NRXN3: variants seen among roughly 807,000 people sequenced by gnomAD.
NRXN3 encodes neurexin 3, also known as neurexin III.
Under a neutral mutation model 137.6 loss-of-function variants are expected in NRXN3, and 32 were observed. The observed-to-expected ratio is 0.23, with a 90% CI of 0.18 to 0.31. NRXN3 has a LOEUF of 0.31. NRXN3 is among the 10% of genes least tolerant of loss of function. The pLI, the probability that NRXN3 is intolerant of heterozygous loss-of-function variation, is 1.00. For missense variants in NRXN3, 1,574 were observed against 2,062.5 expected (o/e 0.76, Z 4.59); for synonymous variants, 798 against 784.5 (o/e 1.02, Z -0.29).
chr14:78,322,837 C>T (rs551180261), intron 4 of NRXN3, among the ~76,000 whole-genome samples: 5 of 152,116 alleles, frequency 3.3e-5, no homozygotes, highest in East Asian at 1.9e-4. Flanking sequence ...GAGCCTCACA[C>T]ACTCTGTGAC....
At chr14:78,410,918 C>T (rs747561079) in intron 4 of NRXN3, among the ~76,000 whole-genome samples, 11 of 152,190 alleles carry the variant, frequency 7.2e-5, no homozygotes, top group Non-Finnish European at 2.9e-5. Context: ...GATTTCTTCC[C>T]TTGGCCCTGA....
intron 8 of NRXN3, among the ~76,000 whole-genome samples, chr14:78,798,882 G>A (rs115542845): frequency 0.013 from 1,947 of 152,318 alleles, 44 homozygotes; most frequent in African/African-American, 0.045. Flanking sequence ...TAGCCATAGC[G>A]TGAGTGGTTG....
At chr14:78,807,745 A>G (rs2098884108) in intron 9 of NRXN3, among the ~76,000 whole-genome samples, 1 of 132,384 alleles carries the variant, frequency 7.6e-6, no homozygotes, top group African/African-American at 2.8e-5. Context: ...AAAAAAAAAA[A>G]AAAAAAAAAA....
At chr14:79,492,814 A>G (rs1260686640) in intron 16 of NRXN3, among the ~76,000 whole-genome samples, 2 of 152,162 alleles carry the variant, frequency 1.3e-5, no homozygotes, top group Admixed American at 6.5e-5. Context: ...ACTTCTATCA[A>G]TCATGCATTG....
chr14:79,678,408 T>C (rs781540103), intron 17 of NRXN3, among the ~76,000 whole-genome samples: 1 of 152,148 alleles, frequency 6.6e-6, no homozygotes, highest in Non-Finnish European at 1.5e-5. Flanking sequence ...ATAATAGGAC[T>C]TGAACCATTA....
At chr14:79,747,600 T>C (rs2098983569) in intron 19 of NRXN3, among the ~76,000 whole-genome samples, 1 of 152,110 alleles carries the variant, frequency 6.6e-6, no homozygotes, top group Non-Finnish European at 1.5e-5. Context: ...GTAGTAAATG[T>C]GAGGAATTTG....
At chr14:78,648,431 G>A (rs1944830709) in intron 5 of NRXN3, among the ~76,000 whole-genome samples, 1 of 152,186 alleles carries the variant, frequency 6.6e-6, no homozygotes, top group African/African-American at 2.4e-5. Context: ...AGCTTGAAAA[G>A]CATTGTTCAA....
chr14:79,565,325 G>GTATATATA (rs780709527), intron 16 of NRXN3, among the ~76,000 whole-genome samples: 1 of 139,482 alleles, frequency 7.2e-6, no homozygotes, highest in Middle Eastern at 3.4e-3. Context: ...ACATGTGTGT[G>GTATATATA]TATATATATA....
intron 10 of NRXN3, among the ~76,000 whole-genome samples, chr14:78,930,128 G>T (rs79423546): frequency 6.6e-6 from 1 of 152,036 alleles, no homozygotes; most frequent in Non-Finnish European, 1.5e-5. Flanking sequence ...TGAGCTTAAC[G>T]CTCTTCAAGT....
intron 15 of NRXN3, among the ~76,000 whole-genome samples, chr14:79,012,561 T>G (rs2099572995): frequency 6.6e-6 from 1 of 152,116 alleles, no homozygotes; most frequent in Non-Finnish European, 1.5e-5. Flanking sequence ...ATGATCTATT[T>G]TCTAGAAGGT....
At chr14:78,629,000 C>T (rs2097494461) in intron 4 of NRXN3, among the ~76,000 whole-genome samples, 3 of 152,202 alleles carry the variant, frequency 2.0e-5, no homozygotes, top group Non-Finnish European at 4.4e-5. Flanking sequence ...AGCTCCCCTC[C>T]TTGAAAACTG....
chr14:78,406,224 G>T (rs533395946), intron 4 of NRXN3, among the ~76,000 whole-genome samples: 1 of 152,174 alleles, frequency 6.6e-6, no homozygotes, highest in South Asian at 2.1e-4. Flanking sequence ...ACAGCAAGGG[G>T]GTGGTTATTG....
At chr14:78,258,677 T>C (rs2070121548) in intron 2 of NRXN3, among the ~76,000 whole-genome samples, 1 of 152,212 alleles carries the variant, frequency 6.6e-6, no homozygotes, top group Non-Finnish European at 1.5e-5. Flanking sequence ...TTAAAATTCT[T>C]CACTGGTGAA....
intron 15 of NRXN3, among the ~76,000 whole-genome samples, chr14:79,466,337 C>G (rs2153612186): frequency 6.6e-6 from 1 of 152,300 alleles, no homozygotes; most frequent in South Asian, 2.1e-4. Context: ...CCTGTAATCT[C>G]AGCACTTTGG....
chr14:78,644,364 A>G (rs975024695), intron 4 of NRXN3, among the ~76,000 whole-genome samples: 3 of 152,066 alleles, frequency 2.0e-5, no homozygotes, highest in African/African-American at 7.3e-5. Context: ...TTCTGTGGGG[A>G]AGAAGAGAAT....
intron 16 of NRXN3, among the ~76,000 whole-genome samples, chr14:79,560,206 T>C (rs924500703): frequency 2.0e-5 from 3 of 152,160 alleles, no homozygotes; most frequent in Non-Finnish European, 4.4e-5. Flanking sequence ...GAAAATTCTG[T>C]AATATTCCTT....
At chr14:79,175,011 C>G (rs2062171175) in intron 15 of NRXN3, among the ~76,000 whole-genome samples, 1 of 141,832 alleles carries the variant, frequency 7.1e-6, no homozygotes, top group South Asian at 2.2e-4. Context: ...GGCGGAGTCT[C>G]TCTCTGTTGC....
intron 6 of NRXN3, among the ~76,000 whole-genome samples, chr14:78,673,500 G>A (rs2097959484): frequency 6.6e-6 from 1 of 152,204 alleles, no homozygotes; most frequent in Non-Finnish European, 1.5e-5. Context: ...CAAGTTTGGG[G>A]TGTGGGTACG....
In NRXN3 at chr14:78,780,584, AC is replaced by A. The variant is rs1020043732; in HGVS notation, c.2045-23031del. 1.1e-3 allele frequency among the ~76,000 whole-genome samples: 175 copies of A among 152,270 alleles called. 1 individual carries two copies. Among genetic ancestry groups the A allele is most frequent in the African/African-American group, 4.0e-3 (167 of 41,572 alleles). ...GATTGGTATTCTAAATTGTATAATG[AC>A]CCCCTACATGTGATCAAGAGAAAGA... On this transcript the variant is annotated intron_variant, in intron 8 of 20. Transcript: ENST00000335750.
Sources: gnomAD v4.1 joint callset for allele counts (sites outside exome capture counted in the v4.1 genomes callset) on GRCh38, gnomAD v4.1.1 for gene constraint, MANE v1.5 for transcripts, NCBI Gene and HGNC (gene_info 2026-07-23, HGNC 2026-07-21) for gene names.